The following XIRP2 variants were observed in gnomAD, a reference collection of about 807,000 sequenced individuals.
XIRP2 encodes the protein xin actin binding repeat containing 2, also known as xin actin-binding repeat-containing protein 2.
Under a neutral mutation model 277.0 loss-of-function variants are expected in XIRP2, and 236 were observed. That is an observed-to-expected ratio of 0.85 (90% CI 0.77 to 0.95). The LOEUF (loss-of-function observed/expected upper bound fraction) is 0.95, where lower values mean the gene tolerates loss of function less well. Ranked by LOEUF, XIRP2 falls within the 40% of genes least tolerant of loss-of-function variation. The pLI is 0.00. For synonymous variants in XIRP2, 1,490 were observed against 1,416.5 expected, an observed-to-expected ratio of 1.05 and a Z score of -1.17; for missense variants, 4,640 against 4,157.5, an observed-to-expected ratio of 1.12 and a Z score of -3.19.
Position 167,248,030 on chromosome 2 carries a change from T to G in XIRP2, c.6638T>G (p.Leu2213Trp). The G allele has an allele frequency of 6.2e-7, 1 of 1,613,578 alleles. No homozygotes were observed. Among genetic ancestry groups the G allele is most frequent in the Non-Finnish European group, 8.5e-7 (1 of 1,179,734 alleles). ...AACCTTCAACCAATGTGGCAGCTTT[T>G]GCCTGTAGAGCAAGACACATCCAAT... ...NINLQPMWQL[L>W]PVEQDTSNVT... is the part of the protein sequence containing the mutation. The change falls in exon 9 of 11, where the codon TTG (leucine) becomes TGG (tryptophan). Residue 2213 changes from leucine to tryptophan, a missense_variant. Transcript: ENST00000409195.
At chr2:167,172,183 G>A (rs147866540) in intron 3 of XIRP2, among the ~76,000 whole-genome samples, 15,749 of 152,076 alleles carry the variant, frequency 0.1, 844 homozygotes, top group South Asian at 0.16. Context: ...GGCAGGTTCC[G>A]TGATGCTCCC....
chr2:167,068,331 G>T (rs886104494), intron 2 of XIRP2, among the ~76,000 whole-genome samples: 1 of 152,070 alleles, frequency 6.6e-6, no homozygotes, highest in Non-Finnish European at 1.5e-5. Context: ...CATATTAAAT[G>T]AAGTGATTTT....
intron 2 of XIRP2, among the ~76,000 whole-genome samples, chr2:167,055,261 A>G (rs1689012748): frequency 6.6e-6 from 1 of 152,174 alleles, no homozygotes; most frequent in Admixed American, 6.5e-5. Context: ...TGAGGGGAAA[A>G]AAGTTAGTGG....
chr2:167,049,066 A>T (rs941607675), intron 2 of XIRP2, among the ~76,000 whole-genome samples: 2 of 151,818 alleles, frequency 1.3e-5, no homozygotes, highest in Non-Finnish European at 2.9e-5. Context: ...GGAGGGGAAA[A>T]GTAGTATACA....
intron 2 of XIRP2, among the ~76,000 whole-genome samples, chr2:166,947,823 T>G (rs955598669): frequency 1.3e-5 from 2 of 152,176 alleles, no homozygotes; most frequent in Non-Finnish European, 2.9e-5. Context: ...TATAAAAACT[T>G]TATTCATATT....
intron 6 of XIRP2, 67 bp from the exon 7 acceptor site, chr2:167,240,597 T>C (rs937863663): frequency 4.5e-6 from 6 of 1,321,192 alleles, no homozygotes; most frequent in Admixed American, 3.4e-5. Context: ...ATGAAGAGTA[T>C]TATTTGTAGT....
chr2:167,177,323 A>T (rs1692875091), intron 3 of XIRP2, among the ~76,000 whole-genome samples: 1 of 152,144 alleles, frequency 6.6e-6, no homozygotes, highest in African/African-American at 2.4e-5. Context: ...TTAAAACAAT[A>T]CTGTAATTCT....
intron 2 of XIRP2, among the ~76,000 whole-genome samples, chr2:167,116,689 T>C (rs887458941): frequency 5.3e-5 from 8 of 152,222 alleles, no homozygotes; most frequent in African/African-American, 1.9e-4. Context: ...GTTTGTTCTG[T>C]CTTTCATCTT....
intron 1 of XIRP2, among the ~76,000 whole-genome samples, chr2:166,897,105 A>T (rs374430823): frequency 2.0e-5 from 3 of 152,210 alleles, no homozygotes. Context: ...TGCTCAGAAC[A>T]TTAAGCAACA....
chr2:167,045,832 T>C (rs546102757), intron 2 of XIRP2, among the ~76,000 whole-genome samples: 1 of 152,188 alleles, frequency 6.6e-6, no homozygotes, highest in East Asian at 1.9e-4. Context: ...TGGACATTTC[T>C]CAAAGAACTT....
intron 2 of XIRP2, among the ~76,000 whole-genome samples, chr2:166,922,026 C>CT (rs1372937067): frequency 6.6e-6 from 1 of 152,054 alleles, no homozygotes; most frequent in Non-Finnish European, 1.5e-5. Context: ...TTTCATTGGC[C>CT]TTTTTTGAAA....
chr2:167,170,798 C>G (rs960169332), intron 3 of XIRP2, among the ~76,000 whole-genome samples: 26 of 150,128 alleles, frequency 1.7e-4, no homozygotes, highest in African/African-American at 6.1e-4. Context: ...GATTTCTAAT[C>G]TTATTTTTCC....
chr2:166,957,451 A>T (rs1686188942), intron 2 of XIRP2, among the ~76,000 whole-genome samples: 1 of 151,788 alleles, frequency 6.6e-6, no homozygotes, highest in African/African-American at 2.4e-5. Flanking sequence ...GGGAAATAAA[A>T]ATTATTTACA....
At chr2:167,188,773 T>G (rs1430303753) in intron 3 of XIRP2, among the ~76,000 whole-genome samples, 1 of 152,236 alleles carries the variant, frequency 6.6e-6, no homozygotes, top group Non-Finnish European at 1.5e-5. Flanking sequence ...TATGGCAAAG[T>G]GCCAACTGTT....
At chr2:167,068,298 C>T (rs898888521) in intron 2 of XIRP2, among the ~76,000 whole-genome samples, 4 of 152,044 alleles carry the variant, frequency 2.6e-5, no homozygotes, top group Non-Finnish European at 5.9e-5. Flanking sequence ...TCTATGTTTC[C>T]AGCTTTTTCT....
At chr2:167,216,100 TC>T (rs1403833377) in intron 4 of XIRP2, among the ~76,000 whole-genome samples, 2 of 129,696 alleles carry the variant, frequency 1.5e-5, no homozygotes, top group East Asian at 4.5e-4. Flanking sequence ...TGAAACTGGA[TC>T]CCTTCCTTAC....
Position 166,925,596 on chromosome 2 carries a change from CATATATATATAT to C in XIRP2, c.408+21726_408+21737del, listed in dbSNP as rs3060398. Among the ~76,000 whole-genome samples the C allele has an allele frequency of 1.5e-3, 158 of 102,448 alleles. 1 individual carries two copies. Among genetic ancestry groups the C allele is most frequent in the African/African-American group, 3.8e-3 (129 of 34,354 alleles). The allele number at this position is 102,448 out of a possible 152,430, so 67.2% of individuals were successfully genotyped here. A position where few individuals can be genotyped will look rare whatever the true frequency, so the allele number is the denominator to read the frequency against. On this transcript the variant is annotated intron_variant, in intron 2 of 10. Transcript: ENST00000409195. ...GTATGTGTGTGTGTATGTGTATATA[CATATATATATAT>C]ATATATATATATATATATACATATA...
At chr2:167,085,620 G>A (rs975981211) in intron 2 of XIRP2, among the ~76,000 whole-genome samples, 4 of 151,990 alleles carry the variant, frequency 2.6e-5, no homozygotes, top group Non-Finnish European at 5.9e-5. Context: ...TATGAATCTG[G>A]GTGCTCCTGT....
intron 4 of XIRP2, among the ~76,000 whole-genome samples, chr2:167,217,610 A>G (rs1202917297): frequency 6.6e-6 from 1 of 152,194 alleles, no homozygotes; most frequent in South Asian, 2.1e-4. Context: ...ACAGAATGAC[A>G]TATTCTGTCA....
Sources: allele counts gnomAD v4.1 joint callset (sites outside exome capture counted in the v4.1 genomes callset), GRCh38; gene constraint gnomAD v4.1.1; transcripts MANE v1.5; gene names NCBI Gene and HGNC (gene_info 2026-07-23, HGNC 2026-07-21).